Variants in SDK2 observed in about 807,000 individuals in gnomAD.
SDK2 encodes the protein protein sidekick-2.
A neutral mutation model predicts 253.9 loss-of-function variants in SDK2; 105 were observed. That is an observed-to-expected ratio of 0.41 (90% CI 0.35 to 0.49). SDK2 has a LOEUF of 0.49. Ranked by LOEUF, SDK2 falls within the 20% of genes least tolerant of loss-of-function variation. The pLI is 0.06. For missense variants in SDK2, 2,608 were observed against 3,003.0 expected (o/e 0.87, Z 3.07); for synonymous variants, 1,249 against 1,234.9 (o/e 1.01, Z -0.24).
chr17:73,350,919 C>A, intron 41 of SDK2, 129 bp from the exon 42 acceptor site: 1 of 940,036 alleles, frequency 1.1e-6, no homozygotes. Flanking sequence ...CCGAATGAGG[C>A]AGAACCTCTG....
chr17:73,605,126 T>C lies in SDK2; in HGVS notation c.64+38899A>G, dbSNP rs1287059886. 5.9e-5 allele frequency among the ~76,000 whole-genome samples: 9 copies of C among 152,214 alleles called. No individual in the cohort carries two copies. The South Asian group carries it at 1.0e-3, about 18-fold the overall frequency. On this transcript the variant is annotated intron_variant, in intron 1 of 44. Transcript: ENST00000392650. ...ATGGAGATCACAGGCAACTTTGACC[T>C]TGAAGCTTCGAAAAAGGGATGAGGC...
rs558409023 is a variant in SDK2 at position 73,500,230 on chromosome 17, C to T, written c.224+7208G>A. ...TCCCTCCATCTCCTCCATCCTCCCTCCCTTCTCCACCATCCTCCGTCCATC... is the reference window on the plus strand; with the variant it reads ...TCCCTCCATCTCCTCCATCCTCCCTTCCTTCTCCACCATCCTCCGTCCATC... On this transcript the variant is annotated intron_variant, in intron 2 of 44. Coordinates refer to ENST00000392650, the MANE Select transcript of SDK2 (RefSeq NM_001144952.2). Among the ~76,000 whole-genome samples the T allele has an allele frequency of 2.7e-5, 4 of 147,792 alleles. No homozygotes were observed. The East Asian group carries it at 8.4e-4, about 31-fold the overall frequency.
chr17:73,518,708 G>C (rs2064051136), intron 1 of SDK2: 1 of 152,190 alleles, frequency 6.6e-6, no homozygotes, highest in Admixed American at 6.5e-5. Context: ...TATCATTTTA[G>C]TGTATTCAGA....
Position 73,405,486 on chromosome 17 carries a change from ATATATATATATATATATATATAT to A in SDK2, c.2485-3368_2485-3346del, listed in dbSNP as rs1568385636. Among the ~76,000 whole-genome samples, 171 of 92,748 alleles carry A rather than the reference ATATATATATATATATATATATAT, an allele frequency of 1.8e-3. 26 individuals carry two copies. The East Asian group carries it at 0.043, about 23-fold the overall frequency. The allele number at this position is 92,748 out of a possible 152,430, so 60.8% of individuals were successfully genotyped here. ...AAAAACCATATATATATATATATATATATATATATATATATATATATATATATATATAAAGATCGAGAATGTGG... is the reference window on the plus strand; with the variant it reads ...AAAAACCATATATATATATATATATAATATATATAAAGATCGAGAATGTGG... On this transcript the variant is annotated intron_variant, in intron 18 of 44. Transcript: ENST00000392650.
At chr17:73,483,834 C>T (rs1249270789) in intron 2 of SDK2, among the ~76,000 whole-genome samples, 8 of 149,514 alleles carry the variant, frequency 5.4e-5, no homozygotes, top group Admixed American at 1.3e-4. Context: ...TGAGCCACTG[C>T]GCCCAGCCAG....
At position 73,433,837 on chromosome 17, in the gene SDK2, T is replaced by C; in HGVS notation, c.1207A>G (p.Asn403Asp). ...CTGTCCAGGGGGCCTCTGGTGATGT[T>C]AGGGGCGATGCCTGCAAACAGAGAA... ...TYLAVTSIAPNITRGPLDSTV... is the reference protein window; with the variant it reads ...TYLAVTSIAPDITRGPLDSTV... The change falls in exon 10 of 45, where the codon AAC (asparagine) becomes GAC (aspartate). Residue 403 changes from asparagine (N) to aspartate (D), a missense_variant. Asn to Asp is a conservative substitution (Grantham distance 23, BLOSUM62 1). Transcript: ENST00000392650. 6.4e-7 allele frequency: 1 copy of C among 1,557,756 alleles called. No individual in the cohort carries two copies. The highest frequency in any genetic ancestry group is 1.4e-5 in the African/African-American group (1 of 73,314).
intron 1 of SDK2, among the ~76,000 whole-genome samples, chr17:73,516,001 T>C (rs551825919): frequency 5.9e-5 from 9 of 152,260 alleles, no homozygotes; most frequent in African/African-American, 1.9e-4. Context: ...AGGAAGGAGA[T>C]GGGGAAAGAG....
Position 73,455,815 on chromosome 17 carries a change from T to G in SDK2, c.479+91A>C. ...GAAAGGGGCTTCTGCACAAAGGCCC[T>G]CCTCCACACTCAAGGGAGACTTTAT... On this transcript the variant is annotated intron_variant, in intron 4 of 44. Transcript: ENST00000392650. The surrounding 1 kb of genome is among the most constrained non-coding windows in gnomAD (Gnocchi z 5.0). 1 of 1,378,918 alleles carries G rather than the reference T, an allele frequency of 7.3e-7. No homozygotes were observed. The highest frequency in any genetic ancestry group is 9.6e-7 in the Non-Finnish European group (1 of 1,040,234). The allele number at this position is 1,378,918 out of a possible 1,614,324, so 85.4% of individuals were successfully genotyped here.
At chr17:73,408,896 G>A (rs1055303622) in intron 18 of SDK2, among the ~76,000 whole-genome samples, 1 of 152,190 alleles carries the variant, frequency 6.6e-6, no homozygotes, top group Non-Finnish European at 1.5e-5. Context: ...GATATCTGAT[G>A]ATATTACAGG....
chr17:73,539,162 C>T (rs1040117300), intron 1 of SDK2, among the ~76,000 whole-genome samples: 1 of 152,200 alleles, frequency 6.6e-6, no homozygotes, highest in Non-Finnish European at 1.5e-5. Context: ...CTATGTCCCA[C>T]ACCCCAAATC....
At chr17:73,401,797 C>A in intron 19 of SDK2, 45 bp from the exon 20 acceptor site, 1 of 1,511,720 alleles carries the variant, frequency 6.6e-7, no homozygotes, top group Non-Finnish European at 9.0e-7. Context: ...CAGTTAGAGC[C>A]AGAGAGAGAC....
At position 73,443,527 on chromosome 17, in the gene SDK2, G is replaced by C. The variant is rs996090847; in HGVS notation, c.614-2604C>G. ...CCGCATGGCACAGCCAGGTAAACAG[G>C]GAGACCTCAAGGAAGGCGAGTTCTG... is the stretch of plus-strand genomic sequence containing the variant. On this transcript the variant is annotated intron_variant, in intron 5 of 44. Coordinates refer to ENST00000392650, the MANE Select transcript of SDK2 (RefSeq NM_001144952.2). This position sits in a 1 kb window ranked among gnomAD's most constrained non-coding sequence, Gnocchi z 4.6. 6.6e-6 allele frequency among the ~76,000 whole-genome samples: 1 copy of C among 152,230 alleles called. No individual in the cohort carries two copies. The highest frequency in any genetic ancestry group is 2.4e-5 in the African/African-American group (1 of 41,470).
chr17:73,420,014 G>A (rs562498965), intron 15 of SDK2, among the ~76,000 whole-genome samples: 2 of 152,338 alleles, frequency 1.3e-5, no homozygotes, highest in South Asian at 4.1e-4. Flanking sequence ...AAGCAGAAAT[G>A]TTGGTCACAT....
intron 1 of SDK2, among the ~76,000 whole-genome samples, chr17:73,516,070 A>T (rs2064024189): frequency 6.6e-6 from 1 of 152,186 alleles, no homozygotes. Context: ...CATTCCCCTA[A>T]GAAGCCCGCA....
At chr17:73,589,692 A>T (rs994770409) in intron 1 of SDK2, among the ~76,000 whole-genome samples, 1 of 152,240 alleles carries the variant, frequency 6.6e-6, no homozygotes, top group African/African-American at 2.4e-5. Context: ...TGATCTGGTC[A>T]CCACAGGCTG....
intron 32 of SDK2, among the ~76,000 whole-genome samples, 153 bp downstream of exon 32, chr17:73,385,694 T>C (rs1823296535): frequency 6.6e-6 from 1 of 152,174 alleles, no homozygotes; most frequent in Non-Finnish European, 1.5e-5. Flanking sequence ...TTCTGTGACA[T>C]GCACATGCCT....
rs775772636 is a variant in SDK2, at chr17:73,350,724, A to G, written c.5825T>C (p.Ile1942Thr). 1.2e-6 allele frequency: 2 copies of G among 1,613,672 alleles called. No individual in the cohort carries two copies. Among genetic ancestry groups the G allele is most frequent in the Admixed American group, 3.3e-5 (2 of 59,994 alleles). The change falls in exon 42 of 45, where the codon ATC becomes ACC. Residue 1942 changes from isoleucine to threonine, a missense_variant. Transcript: ENST00000392650. ...FLVVIALVGL[I>T]FILLLVFVLI... ...CACGAAGACCAGAAGCAGGATGAAG[A>G]TGAGGCCGACCAGGGCAATGACCAC...
intron 1 of SDK2, chr17:73,517,078 AGGAGAGCT>A (rs1265873909): frequency 1.3e-5 from 2 of 152,180 alleles, no homozygotes; most frequent in African/African-American, 4.8e-5. Context: ...CACAGATGCC[AGGAGAGCT>A]GGGCCCAAGA....
chr17:73,558,382 C>T (rs55820526), intron 1 of SDK2, among the ~76,000 whole-genome samples: 38,491 of 150,130 alleles, frequency 0.26, 5,223 homozygotes, highest in East Asian at 0.51. Flanking sequence ...GACTCGGATG[C>T]CTTATTCTGA....
Sources: gnomAD v4.1 joint callset for allele counts (sites outside exome capture counted in the v4.1 genomes callset) on GRCh38, gnomAD v4.1.1 for gene constraint, Gnocchi (gnomAD v3.1) non-coding constraint, MANE v1.5 for transcripts, NCBI Gene and HGNC (gene_info 2026-07-23, HGNC 2026-07-21) for gene names.